The following PPP1R13B variants were observed in gnomAD, a reference collection of about 807,000 sequenced individuals.
PPP1R13B encodes the protein protein phosphatase 1 regulatory subunit 13B.
PPP1R13B carries 44 observed loss-of-function variants against 119.8 expected under a neutral mutation model. The ratio of observed to expected loss-of-function variants is 0.37; its 90% CI spans 0.29 to 0.47. The LOEUF (loss-of-function observed/expected upper bound fraction) is 0.47, where lower values mean the gene tolerates loss of function less well. Among genes scored for constraint, PPP1R13B ranks in the 20% least tolerant of loss-of-function variants. The pLI is 0.99. For missense variants in PPP1R13B, 1,227 were observed against 1,413.5 expected (o/e 0.87, Z 2.12); for synonymous variants, 542 against 561.5 (o/e 0.97, Z 0.49).
chr14:103,825,858 T>G (rs1321892799), intron 1 of PPP1R13B, among the ~76,000 whole-genome samples: 1 of 151,340 alleles, frequency 6.6e-6, no homozygotes, highest in East Asian at 1.9e-4. Context: ...TTTTTTTTTT[T>G]TTTTGAGAGA....
chr14:103,817,927 C>A (rs565550113), intron 1 of PPP1R13B, among the ~76,000 whole-genome samples: 66 of 151,296 alleles, frequency 4.4e-4, no homozygotes, highest in African/African-American at 1.5e-3. Context: ...AAAAAAAAAA[C>A]CCAACTATTC....
intron 16 of PPP1R13B, among the ~76,000 whole-genome samples, chr14:103,735,407 C>T (rs773933297): frequency 2.0e-5 from 3 of 152,208 alleles, no homozygotes; most frequent in Non-Finnish European, 4.4e-5. Flanking sequence ...ATTTTTCTCA[C>T]AACACTTCAT....
chr14:103,814,322 C>T (rs1595812419), intron 1 of PPP1R13B, among the ~76,000 whole-genome samples: 1 of 152,244 alleles, frequency 6.6e-6, no homozygotes, highest in Admixed American at 6.5e-5. Flanking sequence ...GCACTCCAGC[C>T]TGGGCGACAG....
At chr14:103,769,608 T>C (rs2085018717) in intron 4 of PPP1R13B, among the ~76,000 whole-genome samples, 1 of 152,148 alleles carries the variant, frequency 6.6e-6, no homozygotes. Context: ...ATGACAAACA[T>C]CCCTAATGCA....
chr14:103,808,341 T>G (rs2086067435), intron 1 of PPP1R13B, among the ~76,000 whole-genome samples: 1 of 152,180 alleles, frequency 6.6e-6, no homozygotes, highest in African/African-American at 2.4e-5. Flanking sequence ...GGATGTCCCT[T>G]GCTCTAAAGC....
intron 1 of PPP1R13B, among the ~76,000 whole-genome samples, chr14:103,799,931 G>T (rs745377688): frequency 6.6e-6 from 1 of 151,858 alleles, no homozygotes; most frequent in Admixed American, 6.6e-5. Flanking sequence ...CGCACCTGCA[G>T]TCCCAGCTAC....
intron 12 of PPP1R13B, chr14:103,739,289 ACTC>A (rs1567081332): frequency 2.2e-6 from 1 of 451,124 alleles, no homozygotes; most frequent in Non-Finnish European, 3.9e-6. Flanking sequence ...GCTTCTGGCC[ACTC>A]CTCGGAAGAC....
chr14:103,780,485 C>CAAA (rs34274916), intron 3 of PPP1R13B, among the ~76,000 whole-genome samples: 47 of 36,214 alleles, frequency 1.3e-3, no homozygotes, highest in African/African-American at 5.6e-3. Context: ...AACCCTGTCT[C>CAAA]AAAAAAAAAA....
At position 103,742,238 on chromosome 14, in the gene PPP1R13B, C is replaced by G; in HGVS notation, c.1374G>C (p.Leu458=). The change falls in exon 11 of 17, where the codon CTG becomes CTC. Residue 458 remains leucine, a synonymous_variant. Coordinates refer to ENST00000202556, the MANE Select transcript of PPP1R13B (RefSeq NM_015316.3). This position sits in a 1 kb window ranked among gnomAD's most constrained non-coding sequence, Gnocchi z 4.9. ...PPPIPGVGKQ[L]PPSYGTYPSP... ...TTGGGTATGTCCCATAGCTTGGAGG[C>G]AGCTGCTTGCCTACACCCGGGATGG... is the stretch of plus-strand genomic sequence containing the variant. The G allele has an allele frequency of 6.3e-7, 1 of 1,589,408 alleles. No individual in the cohort carries two copies. Among genetic ancestry groups the G allele is most frequent in the African/African-American group, 1.3e-5 (1 of 74,806 alleles).
intron 2 of PPP1R13B, among the ~76,000 whole-genome samples, chr14:103,785,250 G>C (rs1188114697): frequency 2.0e-5 from 3 of 152,130 alleles, no homozygotes; most frequent in African/African-American, 7.2e-5. Context: ...ATGGGGTTTT[G>C]CTCTTGTTGC....
chr14:103,760,584 T>C (rs2084781276), intron 4 of PPP1R13B, among the ~76,000 whole-genome samples: 1 of 152,162 alleles, frequency 6.6e-6, no homozygotes, highest in Non-Finnish European at 1.5e-5. Context: ...CCACCAGCCT[T>C]AAACCTGCTC....
chr14:103,828,803 C>A (rs1016371626), intron 1 of PPP1R13B, among the ~76,000 whole-genome samples: 1 of 152,184 alleles, frequency 6.6e-6, no homozygotes, highest in African/African-American at 2.4e-5. Context: ...ACTGAAGAAT[C>A]CCCCATTAGG....
chr14:103,817,511 A>G (rs1435761644), intron 1 of PPP1R13B, among the ~76,000 whole-genome samples: 1 of 152,198 alleles, frequency 6.6e-6, no homozygotes, highest in African/African-American at 2.4e-5. Context: ...TGCCTTGTTC[A>G]TGTTTTATGC....
At chr14:103,824,195 G>A (rs1390637105) in intron 1 of PPP1R13B, among the ~76,000 whole-genome samples, 2 of 150,620 alleles carry the variant, frequency 1.3e-5, no homozygotes, top group Non-Finnish European at 3.0e-5. Flanking sequence ...ACAGGTGCGT[G>A]CAACCACGCC....
At chr14:103,819,074 G>A (rs1178109693) in intron 1 of PPP1R13B, among the ~76,000 whole-genome samples, 4 of 152,192 alleles carry the variant, frequency 2.6e-5, no homozygotes, top group African/African-American at 4.8e-5. Context: ...CCATTCAGGC[G>A]AAGGGAACAA....
At chr14:103,771,709 G>A (rs1222455946) in intron 4 of PPP1R13B, among the ~76,000 whole-genome samples, 2 of 152,028 alleles carry the variant, frequency 1.3e-5, no homozygotes, top group Non-Finnish European at 2.9e-5. Context: ...TAGAACTCCT[G>A]ACCTCAGGTG....
chr14:103,801,051 C>T (rs2085888801), intron 1 of PPP1R13B, among the ~76,000 whole-genome samples: 1 of 152,134 alleles, frequency 6.6e-6, no homozygotes. Flanking sequence ...TGTTTCTCCA[C>T]ATTGATCAGG....
chr14:103,846,823 T>G (rs1471271356), intron 1 of PPP1R13B: 2 of 465,260 alleles, frequency 4.3e-6, no homozygotes, highest in Non-Finnish European at 8.5e-6. Flanking sequence ...GCTCTCCAAA[T>G]CCGTGCACTC....
In PPP1R13B at chr14:103,786,536, G is replaced by A. The variant is rs574615879; in HGVS notation, c.158-1622C>T. ...TTCTAGCACTTTGGGAGGCCAAGGT[G>A]GGCAGATCACCCGAGGTCAGGAGTT... On this transcript the variant is annotated intron_variant, in intron 2 of 16. Coordinates refer to ENST00000202556, the MANE Select transcript of PPP1R13B (RefSeq NM_015316.3). Among the ~76,000 whole-genome samples the A allele has an allele frequency of 2.2e-4, 34 of 151,980 alleles. No homozygotes were observed. The East Asian group carries it at 6.4e-3, about 29-fold the overall frequency.
Sources: gnomAD v4.1 joint callset for allele counts (sites outside exome capture counted in the v4.1 genomes callset) on GRCh38, gnomAD v4.1.1 for gene constraint, Gnocchi (gnomAD v3.1) non-coding constraint, MANE v1.5 for transcripts, NCBI Gene and HGNC (gene_info 2026-07-23, HGNC 2026-07-21) for gene names.